The following EPM2A variants were observed in gnomAD, a reference collection of about 807,000 sequenced individuals.
EPM2A encodes laforin.
EPM2A carries 21 observed loss-of-function variants against 26.5 expected under a neutral mutation model. That is an observed-to-expected ratio of 0.79 (90% confidence interval 0.56 to 1.14). The LOEUF (loss-of-function observed/expected upper bound fraction) is 1.14, where lower values mean the gene tolerates loss of function less well. Ranked by LOEUF, EPM2A falls within the 50% of genes most tolerant of loss-of-function variation. EPM2A has a pLI of 0.00. For synonymous variants in EPM2A, 217 were observed against 177.6 expected (o/e 1.22, Z -1.76); for missense variants, 458 against 440.8 (o/e 1.04, Z -0.35).
At chr6:145,698,274 T>G (rs1262284727) in intron 1 of EPM2A, among the ~76,000 whole-genome samples, 3 of 152,126 alleles carry the variant, frequency 2.0e-5, no homozygotes, top group Non-Finnish European at 2.9e-5. Context: ...TATGAGAAAA[T>G]AGACAAATGT....
intron 4 of EPM2A, among the ~76,000 whole-genome samples, chr6:145,464,917 TC>T (rs1200262359): frequency 2.0e-5 from 3 of 152,134 alleles, no homozygotes; most frequent in Non-Finnish European, 4.4e-5. Flanking sequence ...ATTTTTTCCT[TC>T]ATTTCAACTT....
chr6:145,553,657 C>A (rs772235501), intron 2 of EPM2A, among the ~76,000 whole-genome samples: 1 of 151,974 alleles, frequency 6.6e-6, no homozygotes, highest in African/African-American at 2.4e-5. Flanking sequence ...CCTTTCCCAG[C>A]TTAAAGGCTG....
At chr6:145,526,173 T>G (rs1780270329) in intron 2 of EPM2A, among the ~76,000 whole-genome samples, 2 of 152,142 alleles carry the variant, frequency 1.3e-5, no homozygotes, top group Non-Finnish European at 2.9e-5. Context: ...AGCTTTTTGA[T>G]GTGCTGCTGG....
intron 2 of EPM2A, among the ~76,000 whole-genome samples, chr6:145,523,582 G>A (rs1780232190): frequency 1.3e-5 from 2 of 152,230 alleles, no homozygotes; most frequent in Admixed American, 1.3e-4. Flanking sequence ...AAATAAGATG[G>A]TGAACATAAG....
intron 4 of EPM2A, among the ~76,000 whole-genome samples, chr6:145,464,416 C>G (rs979757170): frequency 1.3e-5 from 2 of 152,016 alleles, no homozygotes; most frequent in Non-Finnish European, 2.9e-5. Context: ...GTACACACAC[C>G]TACAGAGTTA....
intron 4 of EPM2A, among the ~76,000 whole-genome samples, chr6:145,401,190 C>T (rs186358765): frequency 7.0e-6 from 1 of 142,858 alleles, no homozygotes; most frequent in East Asian, 2.0e-4. Context: ...ACACCTAAAG[C>T]CCAATATGAC....
At chr6:145,649,460 G>A (rs1260049626) in intron 2 of EPM2A, among the ~76,000 whole-genome samples, 9 of 152,104 alleles carry the variant, frequency 5.9e-5, no homozygotes, top group Admixed American at 5.2e-4. Context: ...AAAAAGTCAG[G>A]GACTTAAGAA....
intron 4 of EPM2A, among the ~76,000 whole-genome samples, chr6:145,405,183 G>T (rs1179573579): frequency 6.6e-6 from 1 of 152,114 alleles, no homozygotes; most frequent in Non-Finnish European, 1.5e-5. Flanking sequence ...GAAGATGTTG[G>T]ACTTGAATTT....
chr6:145,436,950 TTTAA>T (rs1410592453), intron 4 of EPM2A, among the ~76,000 whole-genome samples: 2 of 152,218 alleles, frequency 1.3e-5, no homozygotes, highest in South Asian at 2.1e-4. Flanking sequence ...TTAGGATTAC[TTTAA>T]TTATTCAGTT....
At chr6:145,440,094 C>T (rs1035143571) in intron 4 of EPM2A, among the ~76,000 whole-genome samples, 7 of 152,124 alleles carry the variant, frequency 4.6e-5, no homozygotes, top group African/African-American at 1.4e-4. Flanking sequence ...CGTTTTCATG[C>T]TGCTAATGAA....
At chr6:145,560,100 T>G (rs1343682656) in intron 2 of EPM2A, among the ~76,000 whole-genome samples, 2 of 152,080 alleles carry the variant, frequency 1.3e-5, no homozygotes, top group African/African-American at 4.8e-5. Context: ...CAAGGTGCTG[T>G]GGGTAGACCT....
At chr6:145,495,720 G>A (rs1779809074) in intron 4 of EPM2A, among the ~76,000 whole-genome samples, 1 of 152,136 alleles carries the variant, frequency 6.6e-6, no homozygotes, top group African/African-American at 2.4e-5. Context: ...TGGGATACAG[G>A]CATGTGCCAC....
intron 1 of EPM2A, among the ~76,000 whole-genome samples, chr6:145,731,715 A>G (rs1272764096): frequency 1.2e-4 from 19 of 152,080 alleles, no homozygotes; most frequent in Admixed American, 1.2e-3. Context: ...ATGTAACAAA[A>G]CTGCACATTC....
chr6:145,526,711 T>C (rs917991965), intron 2 of EPM2A, among the ~76,000 whole-genome samples: 6 of 152,058 alleles, frequency 3.9e-5, no homozygotes, highest in Admixed American at 2.0e-4. Flanking sequence ...TGGCACTCTG[T>C]CAACCTTGTA....
intron 2 of EPM2A, among the ~76,000 whole-genome samples, chr6:145,616,125 A>G (rs1775507248): frequency 1.3e-5 from 2 of 152,236 alleles, no homozygotes; most frequent in Non-Finnish European, 2.9e-5. Flanking sequence ...TCACAGGCCC[A>G]GAGGCCTAGG....
chr6:145,729,769 G>C (rs192836574), intron 1 of EPM2A, among the ~76,000 whole-genome samples: 239 of 152,326 alleles, frequency 1.6e-3, no homozygotes, highest in Middle Eastern at 3.4e-3. Context: ...GGGGACCGTT[G>C]AGAAGGAAAG....
intron 2 of EPM2A, among the ~76,000 whole-genome samples, chr6:145,537,623 T>C (rs1002357929): frequency 2.0e-5 from 3 of 149,584 alleles, no homozygotes; most frequent in Admixed American, 6.7e-5. Context: ...CCAGGATACA[T>C]GTGTAGAATG....
At chr6:145,388,580 A>C (rs1397883012) in intron 4 of EPM2A, among the ~76,000 whole-genome samples, 1 of 152,160 alleles carries the variant, frequency 6.6e-6, no homozygotes, top group Non-Finnish European at 1.5e-5. Context: ...TTTGTTACAC[A>C]GGTATACATG....
intron 2 of EPM2A, among the ~76,000 whole-genome samples, chr6:145,557,311 T>C (rs998424071): frequency 3.3e-5 from 5 of 152,072 alleles, no homozygotes; most frequent in Admixed American, 6.6e-5. Flanking sequence ...TGTACACTAT[T>C]TGCATGATAG....
Sources: gnomAD v4.1 joint callset for allele counts (sites outside exome capture counted in the v4.1 genomes callset) on GRCh38, gnomAD v4.1.1 for gene constraint, MANE v1.5 for transcripts, NCBI Gene and HGNC (gene_info 2026-07-23, HGNC 2026-07-21) for gene names.